The following TAPT1 variants were observed in gnomAD, a reference collection of about 807,000 sequenced individuals.
The protein encoded by TAPT1 is transmembrane anterior posterior transformation 1.
A neutral mutation model predicts 65.6 loss-of-function variants in TAPT1; 28 were observed. The ratio of observed to expected loss-of-function variants is 0.43; its 90% CI spans 0.32 to 0.59. The LOEUF is 0.59. Among genes scored for constraint, TAPT1 ranks in the 20% least tolerant of loss-of-function variants. The pLI, the probability that TAPT1 is intolerant of heterozygous loss-of-function variation, is 0.09. For missense variants in TAPT1, 563 were observed against 679.9 expected (o/e 0.83, Z 1.91); for synonymous variants, 278 against 245.2 (o/e 1.13, Z -1.25).
chr4:16,226,344 C>T lies in TAPT1; in HGVS notation c.114G>A (p.Gln38=), dbSNP rs950172988. ...EAEQPGGSGG[Q]GPPPAPQLTE... ...TGAGCTGAGGCGCCGGCGGGGGCCC[C>T]TGTCCGCCGCTGCCGCCCGGCTGCT... The change falls in exon 1 of 14, where the codon CAG becomes CAA. Residue 38 remains glutamine (Q), a synonymous_variant. Coordinates refer to ENST00000405303, the MANE Select transcript of TAPT1 (RefSeq NM_153365.3). The T allele has an allele frequency of 2.7e-6, 3 of 1,116,130 alleles. No homozygotes were observed. Among genetic ancestry groups the T allele is most frequent in the African/African-American group, 1.7e-5 (1 of 59,998 alleles). The allele number at this position is 1,116,130 out of a possible 1,614,324, so 69.1% of individuals were successfully genotyped here. A position where few individuals can be genotyped will look rare whatever the true frequency, so the allele number is the denominator to read the frequency against.
chr4:16,167,128 G>C (rs1216723516), intron 12 of TAPT1, among the ~76,000 whole-genome samples: 1 of 151,476 alleles, frequency 6.6e-6, no homozygotes, highest in African/African-American at 2.4e-5. Context: ...CAAGTAGCTG[G>C]GATTACAGGC....
At chr4:16,208,847 T>C (rs897532859) in intron 2 of TAPT1, among the ~76,000 whole-genome samples, 6 of 152,212 alleles carry the variant, frequency 3.9e-5, no homozygotes, top group Non-Finnish European at 7.3e-5. Flanking sequence ...AGCCTGACCA[T>C]TCAACATAAC....
At chr4:16,175,604 C>A (rs755443050) in intron 9 of TAPT1, among the ~76,000 whole-genome samples, 1 of 152,124 alleles carries the variant, frequency 6.6e-6, no homozygotes, top group East Asian at 1.9e-4. Context: ...TCTATAGCCA[C>A]ATATCTATTT....
rs548073519 is a variant in TAPT1, at chr4:16,191,048, T to C, written c.612+313A>G. 8 of 242,142 alleles carry C rather than the reference T, an allele frequency of 3.3e-5. No individual in the cohort carries two copies. In the East Asian group the frequency reaches 4.0e-4, roughly 12 times the overall value. The allele number at this position is 242,142 out of a possible 1,614,324, so 15.0% of individuals were successfully genotyped here. A position where few individuals can be genotyped will look rare whatever the true frequency, so the allele number is the denominator to read the frequency against. On this transcript the variant is annotated intron_variant, in intron 4 of 13. Coordinates refer to ENST00000405303, the MANE Select transcript of TAPT1 (RefSeq NM_153365.3). The stretch of plus-strand genomic sequence containing the variant: ...ACTCAAGGGGGTACTGGTTCTAAAA[T>C]GTCTGGGCAGCAAGAATCTTCCCAG...
intron 7 of TAPT1, among the ~76,000 whole-genome samples, chr4:16,183,709 C>T (rs764243634): frequency 1.8e-4 from 27 of 152,158 alleles, no homozygotes; most frequent in Non-Finnish European, 2.6e-4. Flanking sequence ...CCACAACAAA[C>T]GAAATTCTTA....
At chr4:16,170,894 A>G (rs938783220) in intron 11 of TAPT1, among the ~76,000 whole-genome samples, 165 bp from the exon 12 acceptor site, 29 of 152,184 alleles carry the variant, frequency 1.9e-4, no homozygotes, top group Non-Finnish European at 2.9e-5. Context: ...GTTGATTTGT[A>G]TCAAAATCTG....
In TAPT1 at chr4:16,174,230, A is replaced by G. The variant is rs1157513595; in HGVS notation, c.1210T>C (p.Phe404Leu). ...AAAACAGCTAGTGGGAGAGGAATAAAGCCCATCCTCCGTGCTACAGAGTCA... is the reference window on the plus strand; with the variant it reads ...AAAACAGCTAGTGGGAGAGGAATAAGGCCCATCCTCCGTGCTACAGAGTCA... Reference protein sequence around the residue: ...YSDSVARRMGFIPLPLAVLLI... With the variant: ...YSDSVARRMGLIPLPLAVLLI... The change falls in exon 11 of 14, where the codon TTT (phenylalanine) becomes CTT (leucine). Residue 404 changes from phenylalanine to leucine, a missense_variant. Around this residue, in one of 5 missense-constraint regions of TAPT1, gnomAD observed 104 missense variants for 102.5 expected, o/e 1.01. Coordinates refer to ENST00000405303, the MANE Select transcript of TAPT1 (RefSeq NM_153365.3). 1.2e-6 allele frequency: 2 copies of G among 1,608,236 alleles called. No individual in the cohort carries two copies. The highest frequency in any genetic ancestry group is 1.7e-6 in the Non-Finnish European group (2 of 1,177,280).
At chr4:16,203,214 T>C (rs531721418) in intron 2 of TAPT1, among the ~76,000 whole-genome samples, 13 of 152,316 alleles carry the variant, frequency 8.5e-5, no homozygotes, top group Non-Finnish European at 2.9e-5. Context: ...CTTGGCCAAG[T>C]AGCCACCACT....
intron 2 of TAPT1, among the ~76,000 whole-genome samples, chr4:16,208,636 T>A (rs1472860981): frequency 6.9e-6 from 1 of 144,094 alleles, no homozygotes; most frequent in African/African-American, 2.4e-5. Flanking sequence ...AATAGAAAGA[T>A]GAAAAGGACT....
intron 4 of TAPT1, chr4:16,191,097 T>C: frequency 3.0e-6 from 1 of 332,208 alleles, no homozygotes; most frequent in Non-Finnish European, 5.5e-6. Context: ...ATGCCATGCC[T>C]GCAGGCTTGC....
At chr4:16,167,121 G>C (rs184276344) in intron 12 of TAPT1, among the ~76,000 whole-genome samples, 1 of 149,642 alleles carries the variant, frequency 6.7e-6, no homozygotes, top group Admixed American at 6.7e-5. Context: ...AGCCTCCCAA[G>C]TAGCTGGGAT....
intron 2 of TAPT1, among the ~76,000 whole-genome samples, chr4:16,211,737 T>A (rs1234648144): frequency 6.6e-6 from 1 of 152,168 alleles, no homozygotes; most frequent in Non-Finnish European, 1.5e-5. Context: ...CAATACTTAT[T>A]CTTAGTATAG....
At chr4:16,191,554 A>C in intron 3 of TAPT1, 31 bp from the exon 4 acceptor site, 3 of 1,541,584 alleles carry the variant, frequency 1.9e-6, no homozygotes, top group Non-Finnish European at 2.6e-6. Context: ...TAAAAATATA[A>C]TTTTTACTCT....
chr4:16,190,165 T>A (rs1749278661), intron 4 of TAPT1: 1 of 152,084 alleles, frequency 6.6e-6, no homozygotes, highest in Admixed American at 6.6e-5. Flanking sequence ...ATGGCTTCTG[T>A]GAAGAGATGG....
At chr4:16,226,115 G>A (rs1257272647) in intron 1 of TAPT1, 144 bp downstream of exon 1, 3 of 1,028,486 alleles carry the variant, frequency 2.9e-6, no homozygotes, top group Non-Finnish European at 3.5e-6. Flanking sequence ...AGCCTCGGCG[G>A]CTCCGCGCGC....
chr4:16,207,616 C>T (rs1010053468), intron 2 of TAPT1, among the ~76,000 whole-genome samples: 3 of 152,130 alleles, frequency 2.0e-5, no homozygotes, highest in Non-Finnish European at 4.4e-5. Context: ...GAAAGTAAAA[C>T]CCAAGAGAGA....
At chr4:16,204,201 G>A (rs527739577) in intron 2 of TAPT1, among the ~76,000 whole-genome samples, 142 of 152,350 alleles carry the variant, frequency 9.3e-4, no homozygotes, top group African/African-American at 3.3e-3. Context: ...TCCCAGGAGC[G>A]TTTGTGATCC....
intron 4 of TAPT1, 124 bp downstream of exon 4, chr4:16,191,237 G>T: frequency 9.9e-7 from 1 of 1,011,426 alleles, no homozygotes; most frequent in Non-Finnish European, 1.4e-6. Context: ...TGACAGCACA[G>T]TAAAGGCCAG....
At chr4:16,200,210 C>A (rs903155829) in intron 3 of TAPT1, among the ~76,000 whole-genome samples, 4 of 152,148 alleles carry the variant, frequency 2.6e-5, no homozygotes, top group Non-Finnish European at 5.9e-5. Flanking sequence ...TCTTTAAAAG[C>A]CGTCCACATA....
Sources: allele counts gnomAD v4.1 joint callset (sites outside exome capture counted in the v4.1 genomes callset), GRCh38; gene constraint gnomAD v4.1.1; regional missense constraint gnomAD v4.1.1; transcripts MANE v1.5; gene names NCBI Gene and HGNC (gene_info 2026-07-23, HGNC 2026-07-21).